MGAT4C: variants seen among roughly 807,000 people sequenced by gnomAD.
MGAT4C encodes MGAT4 family member C, also known as alpha-1,3-mannosyl-glycoprotein 4-beta-N-acetylglucosaminyltransferase C.
A neutral mutation model predicts 40.1 loss-of-function variants in MGAT4C; 19 were observed. The observed-to-expected ratio is 0.47, with a 90% CI of 0.33 to 0.70. MGAT4C has a LOEUF of 0.70. Ranked by LOEUF, MGAT4C falls within the 30% of genes least tolerant of loss-of-function variation. MGAT4C has a pLI of 0.02. For missense variants in MGAT4C, 491 were observed against 563.2 expected, an observed-to-expected ratio of 0.87 and a Z score of 1.30; for synonymous variants, 181 against 187.1, an observed-to-expected ratio of 0.97 and a Z score of 0.27.
chr12:86,358,381 T>C (rs975778606), intron 3 of MGAT4C, among the ~76,000 whole-genome samples: 5 of 152,052 alleles, frequency 3.3e-5, no homozygotes, highest in African/African-American at 1.2e-4. Context: ...ACATGCCAAA[T>C]TGTAAAGACC....
intron 2 of MGAT4C, among the ~76,000 whole-genome samples, chr12:86,723,121 C>A (rs1950763560): frequency 6.6e-6 from 1 of 152,162 alleles, no homozygotes; most frequent in Non-Finnish European, 1.5e-5. Flanking sequence ...AATTGACTAA[C>A]AACATTGTCT....
At chr12:86,296,571 C>T (rs753412470) in intron 4 of MGAT4C, among the ~76,000 whole-genome samples, 10 of 152,340 alleles carry the variant, frequency 6.6e-5, no homozygotes, top group Non-Finnish European at 1.2e-4. Flanking sequence ...TAAGGCCCAG[C>T]GAGAAATCGA....
intron 3 of MGAT4C, among the ~76,000 whole-genome samples, chr12:86,382,239 G>T (rs1351496525): frequency 6.6e-6 from 1 of 152,200 alleles, no homozygotes; most frequent in Non-Finnish European, 1.5e-5. Flanking sequence ...GGAACTTGTT[G>T]GGAACTAGAG....
chr12:86,148,175 A>G (rs1446250795), intron 1 of MGAT4C, among the ~76,000 whole-genome samples: 1 of 152,198 alleles, frequency 6.6e-6, no homozygotes, highest in African/African-American at 2.4e-5. Flanking sequence ...TTTTGCTGTC[A>G]CTTAAAATTT....
chr12:86,581,848 GA>G (rs1024773391), intron 2 of MGAT4C, among the ~76,000 whole-genome samples: 3 of 151,354 alleles, frequency 2.0e-5, no homozygotes, highest in African/African-American at 7.3e-5. Context: ...AACAATTAAG[GA>G]ATGTGCTGTG....
chr12:86,522,105 G>A (rs1399962891), intron 2 of MGAT4C, among the ~76,000 whole-genome samples: 2 of 152,034 alleles, frequency 1.3e-5, no homozygotes, highest in Non-Finnish European at 2.9e-5. Flanking sequence ...TCTTTCTGTT[G>A]CCTAATTACT....
At chr12:86,794,896 T>C (rs1343509985) in intron 1 of MGAT4C, among the ~76,000 whole-genome samples, 4 of 151,894 alleles carry the variant, frequency 2.6e-5, no homozygotes, top group Non-Finnish European at 5.9e-5. Flanking sequence ...GCCAATATCA[T>C]TGTGAAAATC....
At chr12:86,452,262 T>G (rs971864654) in intron 2 of MGAT4C, among the ~76,000 whole-genome samples, 3 of 151,860 alleles carry the variant, frequency 2.0e-5, no homozygotes, top group Non-Finnish European at 4.4e-5. Flanking sequence ...AACGTGCAGG[T>G]TTGTTCCATC....
chr12:86,316,231 G>A (rs1954226610), intron 4 of MGAT4C, among the ~76,000 whole-genome samples: 1 of 152,126 alleles, frequency 6.6e-6, no homozygotes, highest in African/African-American at 2.4e-5. Flanking sequence ...TGCTGGTGAG[G>A]CTGCAGAGGA....
chr12:86,698,341 TTG>T lies in MGAT4C; in HGVS notation c.-229+28866_-229+28867del, dbSNP rs1354351858. ...AAATAAGTGAAAATTTTTTAAAAAA[TTG>T]TGTTTGTGTATGTGTGTTTGTGTGT... is the stretch of plus-strand genomic sequence containing the variant. On this transcript the variant is annotated intron_variant, in intron 2 of 7. Transcript: ENST00000548651. 5.9e-5 allele frequency among the ~76,000 whole-genome samples: 9 copies of T among 151,968 alleles called. No homozygotes were observed. The South Asian group carries it at 1.9e-3, about 32-fold the overall frequency.
At chr12:86,220,988 G>T (rs1593270945) in intron 1 of MGAT4C, among the ~76,000 whole-genome samples, 3 of 152,122 alleles carry the variant, frequency 2.0e-5, no homozygotes, top group Non-Finnish European at 4.4e-5. Flanking sequence ...AAATTCTCTT[G>T]CTAAAATTGT....
At chr12:86,164,412 GT>G (rs757245419) in intron 1 of MGAT4C, among the ~76,000 whole-genome samples, 1 of 152,142 alleles carries the variant, frequency 6.6e-6, no homozygotes, top group Non-Finnish European at 1.5e-5. Flanking sequence ...ATCAATAACT[GT>G]TTACTGCATA....
intron 4 of MGAT4C, among the ~76,000 whole-genome samples, chr12:86,275,385 A>G (rs894603416): frequency 9.9e-5 from 15 of 152,198 alleles, no homozygotes; most frequent in African/African-American, 3.6e-4. Flanking sequence ...GAGCCGTATC[A>G]TAAGGATTTT....
chr12:86,122,130 T>C (rs945323001), intron 1 of MGAT4C, among the ~76,000 whole-genome samples: 31 of 152,292 alleles, frequency 2.0e-4, no homozygotes, highest in Admixed American at 6.5e-4. Flanking sequence ...TTGTTAACCA[T>C]TAGAAAATTA....
chr12:86,109,719 C>T (rs1876874822), intron 1 of MGAT4C, among the ~76,000 whole-genome samples: 1 of 151,724 alleles, frequency 6.6e-6, no homozygotes, highest in Admixed American at 6.6e-5. Context: ...TTATGTCTAC[C>T]ATGTGGCTAG....
intron 3 of MGAT4C, among the ~76,000 whole-genome samples, chr12:86,341,558 C>T (rs1954904937): frequency 6.6e-6 from 1 of 152,250 alleles, no homozygotes; most frequent in Non-Finnish European, 1.5e-5. Context: ...ATTAGACCCA[C>T]TGGCTTAAAA....
At chr12:86,769,186 A>G (rs968670691) in intron 1 of MGAT4C, among the ~76,000 whole-genome samples, 1 of 152,100 alleles carries the variant, frequency 6.6e-6, no homozygotes, top group South Asian at 2.1e-4. Context: ...AAAACAAAAA[A>G]CCCCATAAAA....
intron 1 of MGAT4C, among the ~76,000 whole-genome samples, chr12:86,204,998 T>A (rs1418137403): frequency 1.3e-5 from 2 of 151,978 alleles, no homozygotes; most frequent in South Asian, 4.1e-4. Flanking sequence ...TTGAAAAAAA[T>A]TGCATAATGG....
In MGAT4C at chr12:85,970,526, T is replaced by C. The variant is rs1294177905; in HGVS notation, c.*8763A>G. On this transcript the variant is annotated 3_prime_UTR_variant, in exon 5 of 5. Transcript: ENST00000611864. ...TAGTGTTATCCAGCTATAATTCTTC[T>C]AAACATGTCTTGTAATTTTTAAGTT... The C allele has an allele frequency of 3.3e-5, 5 of 151,318 alleles. No homozygotes were observed. Among genetic ancestry groups the C allele is most frequent in the African/African-American group, 9.7e-5 (4 of 41,368 alleles). The allele number at this position is 151,318 out of a possible 1,614,324, so 9.4% of individuals were successfully genotyped here.
Sources: gnomAD v4.1 joint callset for allele counts (sites outside exome capture counted in the v4.1 genomes callset) on GRCh38, gnomAD v4.1.1 for gene constraint, MANE v1.5 for transcripts, NCBI Gene and HGNC (gene_info 2026-07-23, HGNC 2026-07-21) for gene names.